The following EHMT1 variants were observed in gnomAD, a reference collection of about 807,000 sequenced individuals.
EHMT1 encodes histone-lysine N-methyltransferase EHMT1.
In EHMT1, 15 loss-of-function variants were observed where a neutral mutation model predicts 147.2. The ratio of observed to expected loss-of-function variants is 0.10; its 90% CI spans 0.07 to 0.16. EHMT1 has a LOEUF of 0.16. Among genes scored for constraint, EHMT1 ranks in the 10% least tolerant of loss-of-function variants. The pLI is 1.00. For synonymous variants in EHMT1, 795 were observed against 709.6 expected, an observed-to-expected ratio of 1.12 and a Z score of -1.91; for missense variants, 1,587 against 1,772.4, an observed-to-expected ratio of 0.90 and a Z score of 1.88.
intron 1 of EHMT1, among the ~76,000 whole-genome samples, chr9:137,673,355 T>C (rs72766904): frequency 4.5e-4 from 68 of 152,330 alleles, no homozygotes; most frequent in Non-Finnish European, 8.4e-4. Flanking sequence ...CTCACGTTGC[T>C]CTTCTGATCT....
In EHMT1 at chr9:137,732,846, G is replaced by T. The variant is rs1472431269; in HGVS notation, c.823+4317G>T. ...CCTGTGGGAGGGGTGTTGGAGCCAG[G>T]TTATCAAAGAAAGGCTGAGATTTCT... On this transcript the variant is annotated intron_variant, in intron 4 of 26. Coordinates refer to ENST00000460843, the MANE Select transcript of EHMT1 (RefSeq NM_024757.5). This position sits in a 1 kb window ranked among gnomAD's most constrained non-coding sequence, Gnocchi z 4.6. Among the ~76,000 whole-genome samples, 1 of 152,164 alleles carries T rather than the reference G, an allele frequency of 6.6e-6. No individual in the cohort carries two copies. Among genetic ancestry groups the T allele is most frequent in the Non-Finnish European group, 1.5e-5 (1 of 68,032 alleles).
intron 19 of EHMT1, 77 bp downstream of exon 19, chr9:137,811,692 G>T: frequency 1.3e-6 from 2 of 1,586,718 alleles, no homozygotes; most frequent in East Asian, 2.3e-5. Flanking sequence ...TGACAGTCTT[G>T]TGTTCACACT....
rs1011152265 is a variant in EHMT1, at chr9:137,814,056, GCCCCCCCCCCCCCCCGCC to G, written c.3181-370_3181-353del. On this transcript the variant is annotated intron_variant, in intron 21 of 26. Transcript: ENST00000460843. ...TCTTCCCAGGCCGGGCACTGCCCAGGCCCCCCCCCCCCCCCGCCCCCCGCCCCACAAGGTGTGTCAGGC... is the reference window on the plus strand; with the variant it reads ...TCTTCCCAGGCCGGGCACTGCCCAGGCCCCGCCCCACAAGGTGTGTCAGGC... Among the ~76,000 whole-genome samples, 7 of 50,050 alleles carry G rather than the reference GCCCCCCCCCCCCCCCGCC, an allele frequency of 1.4e-4. 2 individuals carry two copies. The highest frequency in any genetic ancestry group is 7.1e-4 in the African/African-American group (6 of 8,432). 32.8% of individuals were successfully genotyped at this position (50,050 alleles called of 152,430 possible). A position where few individuals can be genotyped will look rare whatever the true frequency, so the allele number is the denominator to read the frequency against.
At position 137,776,985 on chromosome 9, in the gene EHMT1, T is replaced by C. The variant is rs1018135591; in HGVS notation, c.2018+141T>C. ...GATGCTTATGGTGATTTCTGACATTTAAGACTCTGAAATTCATTTATTGCC... is the reference window on the plus strand; with the variant it reads ...GATGCTTATGGTGATTTCTGACATTCAAGACTCTGAAATTCATTTATTGCC... On this transcript the variant is annotated intron_variant, in intron 12 of 26. Coordinates refer to ENST00000460843, the MANE Select transcript of EHMT1 (RefSeq NM_024757.5). The surrounding 1 kb of genome is among the most constrained non-coding windows in gnomAD (Gnocchi z 4.4). The C allele has an allele frequency of 5.0e-6, 4 of 798,592 alleles. No homozygotes were observed. The East Asian group carries it at 1.1e-4, about 21-fold the overall frequency. The allele number at this position is 798,592 out of a possible 1,614,324, so 49.5% of individuals were successfully genotyped here.
At chr9:137,646,302 T>C in intron 1 of EHMT1, 1 of 969,688 alleles carries the variant, frequency 1.0e-6, no homozygotes, top group Non-Finnish European at 1.2e-6. Context: ...TTTAAAATGA[T>C]GTCTGTGGCA....
At chr9:137,758,533 A>G (rs985597190) in intron 9 of EHMT1, among the ~76,000 whole-genome samples, 2 of 152,210 alleles carry the variant, frequency 1.3e-5, no homozygotes, top group Non-Finnish European at 2.9e-5. Context: ...CCGTTCTCAC[A>G]CTTTCTATCA....
chr9:137,691,444 C>T (rs1942927296), intron 1 of EHMT1, among the ~76,000 whole-genome samples: 1 of 151,712 alleles, frequency 6.6e-6, no homozygotes, highest in African/African-American at 2.4e-5. Context: ...TCCCAAAGTG[C>T]TGAGATTACA....
At chr9:137,715,725 T>G (rs187198819) in intron 2 of EHMT1, 1 of 985,446 alleles carries the variant, frequency 1.0e-6, no homozygotes, top group African/African-American at 1.7e-5. Context: ...AGTGAGCCTC[T>G]GTAGGGAGTG....
At chr9:137,689,902 T>C (rs1284003866) in intron 1 of EHMT1, among the ~76,000 whole-genome samples, 3 of 152,170 alleles carry the variant, frequency 2.0e-5, no homozygotes, top group African/African-American at 7.2e-5. Flanking sequence ...TTGGCTGCTG[T>C]GCCTGGCGTG....
At chr9:137,736,105 T>C (rs771894569) in intron 4 of EHMT1, among the ~76,000 whole-genome samples, 5 of 152,032 alleles carry the variant, frequency 3.3e-5, no homozygotes, top group Admixed American at 1.3e-4. Context: ...AGTGAAAGGA[T>C]GAAAAAAGAT....
At chr9:137,669,394 C>T (rs1274208523) in intron 1 of EHMT1, among the ~76,000 whole-genome samples, 4 of 1,500 alleles carry the variant, frequency 2.7e-3, no homozygotes, top group African/African-American at 5.0e-3. Context: ...ACCCAAGACG[C>T]CCCCCACAGC....
chr9:137,623,980 C>A (rs373232570), intron 1 of EHMT1, among the ~76,000 whole-genome samples: 1 of 150,794 alleles, frequency 6.6e-6, no homozygotes, highest in East Asian at 1.9e-4. Context: ...CCGCCATACC[C>A]GGTTGATTTT....
chr9:137,650,080 C>T (rs544604764), intron 1 of EHMT1, among the ~76,000 whole-genome samples: 6 of 152,012 alleles, frequency 3.9e-5, no homozygotes, highest in Non-Finnish European at 7.4e-5. Context: ...TTTATATCGT[C>T]GCCAACACTT....
intron 4 of EHMT1, among the ~76,000 whole-genome samples, chr9:137,742,619 T>A (rs1369064081): frequency 6.6e-6 from 1 of 152,022 alleles, no homozygotes; most frequent in Non-Finnish European, 1.5e-5. Context: ...CAGAATGGGG[T>A]TGGGAGCCCC....
intron 4 of EHMT1, 152 bp downstream of exon 4, chr9:137,728,681 G>A (rs1946839342): frequency 1.1e-6 from 1 of 931,730 alleles, no homozygotes; most frequent in Non-Finnish European, 1.7e-6. Context: ...TCGCCTGTAT[G>A]CCTGAGGAGG....
intron 22 of EHMT1, chr9:137,814,879 G>A: frequency 2.4e-6 from 1 of 411,196 alleles, no homozygotes; most frequent in Non-Finnish European, 4.6e-6. Context: ...GGAGGGTGCT[G>A]CCGGGCTGGG....
chr9:137,644,329 T>C (rs976760866), intron 1 of EHMT1, among the ~76,000 whole-genome samples: 1 of 95,312 alleles, frequency 1.0e-5, no homozygotes, highest in African/African-American at 3.9e-5. Context: ...AGTCACATAC[T>C]TTTTTTTTTT....
At chr9:137,810,442 G>A (rs888970456) in intron 18 of EHMT1, among the ~76,000 whole-genome samples, 17 of 152,222 alleles carry the variant, frequency 1.1e-4, no homozygotes, top group Admixed American at 8.5e-4. Context: ...TATCCCTGGG[G>A]CGATAGAGTT....
intron 4 of EHMT1, 155 bp downstream of exon 4, chr9:137,728,684 T>TCCTCA: frequency 1.1e-6 from 1 of 923,050 alleles, no homozygotes; most frequent in Non-Finnish European, 1.7e-6. Flanking sequence ...CCTGTATGCC[T>TCCTCA]GAGGAGGCAC....
Sources: gnomAD v4.1 joint callset for allele counts (sites outside exome capture counted in the v4.1 genomes callset) on GRCh38, gnomAD v4.1.1 for gene constraint, Gnocchi (gnomAD v3.1) non-coding constraint, MANE v1.5 for transcripts, NCBI Gene and HGNC (gene_info 2026-07-23, HGNC 2026-07-21) for gene names.